The following AHNAK variants were observed in gnomAD, a reference collection of about 807,000 sequenced individuals.
AHNAK encodes AHNAK nucleoprotein, also known as neuroblast differentiation-associated protein AHNAK.
In AHNAK, 23 loss-of-function variants were observed where a neutral mutation model predicts 37.8. The ratio of observed to expected loss-of-function variants is 0.61; its 90% CI spans 0.44 to 0.86. The LOEUF is 0.86. AHNAK is among the 40% of genes least tolerant of loss of function. AHNAK has a pLI of 0.00. For synonymous variants in AHNAK, 2,481 were observed against 2,636.3 expected (o/e 0.94, Z 1.80); for missense variants, 7,411 against 7,319.4 (o/e 1.01, Z -0.46).
chr11:62,491,986 T>C (rs1939512321), intron 4 of AHNAK, among the ~76,000 whole-genome samples: 1 of 152,046 alleles, frequency 6.6e-6, no homozygotes, highest in Non-Finnish European at 1.5e-5. Context: ...AGCTCCACCA[T>C]TGCCTGGAAT....
At position 62,522,641 on chromosome 11, in the gene AHNAK, G is replaced by A; in HGVS notation, c.11776C>T (p.Pro3926Ser). ...TTAGGCATCTTCAGGTGCCAGTCTG[G>A]GCCTCGAACATCCACATCTGGGGCA... ...INAPDVDVRG[P>S]DWHLKMPKIK... is the part of the protein sequence containing the mutation. Residue 3926 changes from proline to serine, a missense_variant, in exon 5 of 5, where the codon CCA becomes TCA. Coordinates refer to ENST00000378024, the MANE Select transcript of AHNAK (RefSeq NM_001620.3). 1 of 1,612,842 alleles carries A rather than the reference G, an allele frequency of 6.2e-7. No homozygotes were observed. Among genetic ancestry groups the A allele is most frequent in the East Asian group, 2.2e-5 (1 of 44,808 alleles).
chr11:62,470,460 G>T (rs1336906970), intron 5 of AHNAK, among the ~76,000 whole-genome samples: 13 of 149,850 alleles, frequency 8.7e-5, no homozygotes, highest in Admixed American at 6.7e-4. Flanking sequence ...AAAAAAATTA[G>T]CTGGGCGTGG....
intron 5 of AHNAK, among the ~76,000 whole-genome samples, chr11:62,484,377 C>A (rs1008303165): frequency 6.6e-6 from 1 of 151,924 alleles, no homozygotes; most frequent in African/African-American, 2.4e-5. Flanking sequence ...CAGAGTGAGA[C>A]CCTGTCTCTG....
At chr11:62,494,111 C>T (rs116914071) in intron 4 of AHNAK, among the ~76,000 whole-genome samples, 13 of 152,196 alleles carry the variant, frequency 8.5e-5, no homozygotes, top group Non-Finnish European at 1.5e-4. Context: ...ATTTCTCTAA[C>T]AATCGATGGC....
intron 5 of AHNAK, among the ~76,000 whole-genome samples, chr11:62,456,018 A>G (rs1276290235): frequency 6.6e-6 from 1 of 152,168 alleles, no homozygotes; most frequent in Admixed American, 6.6e-5. Flanking sequence ...CAGGCTGGGC[A>G]ACAAGAGCGA....
In AHNAK at chr11:62,521,703, C is replaced by A. The variant is rs762957740; in HGVS notation, c.12714G>T (p.Ala4238=). ...VPDVNIEGPD[A]KLKGPKFKMP... is the part of the protein sequence containing the mutation. ...TCTTGAATTTAGGGCCCTTTAGTTTCGCATCTGGACCTTCGATATTCACAT... is the reference window on the plus strand; with the variant it reads ...TCTTGAATTTAGGGCCCTTTAGTTTAGCATCTGGACCTTCGATATTCACAT... The change falls in exon 5 of 5, where the codon GCG becomes GCT. Residue 4238 remains alanine, a synonymous_variant. Coordinates refer to ENST00000378024, the MANE Select transcript of AHNAK (RefSeq NM_001620.3). 4 of 1,613,322 alleles carry A rather than the reference C, an allele frequency of 2.5e-6. No individual in the cohort carries two copies. In the Admixed American group the frequency reaches 6.7e-5, roughly 27 times the overall value.
intron 5 of AHNAK, among the ~76,000 whole-genome samples, chr11:62,450,645 C>T (rs1220818360): frequency 1.3e-5 from 2 of 152,198 alleles, no homozygotes; most frequent in East Asian, 1.9e-4. Flanking sequence ...TGCCATGCAC[C>T]GTCAGACCTC....
downstream of AHNAK, chr11:62,515,857 CCAGGTTT>C (rs1940001942): frequency 9.1e-7 from 1 of 1,097,010 alleles, no homozygotes; most frequent in Middle Eastern, 4.4e-4. Flanking sequence ...TGCAGCTTCC[CCAGGTTT>C]CACGCCCCCG....
chr11:62,473,954 C>T (rs1280723650), intron 5 of AHNAK, among the ~76,000 whole-genome samples: 3 of 147,214 alleles, frequency 2.0e-5, no homozygotes, highest in Admixed American at 6.7e-5. Context: ...GAGCCATGAT[C>T]AAACCACTAC....
chr11:62,513,331 T>TC (rs1939948178), downstream of AHNAK, among the ~76,000 whole-genome samples: 1 of 152,166 alleles, frequency 6.6e-6, no homozygotes, highest in Admixed American at 6.5e-5. Context: ...GGTCAGGAGT[T>TC]CGAGACCAGC....
In AHNAK at chr11:62,516,722, TG is replaced by T. The variant is rs1565221200; in HGVS notation, c.*21del. 1 of 1,582,070 alleles carries T rather than the reference TG, an allele frequency of 6.3e-7. No homozygotes were observed. Among genetic ancestry groups the T allele is most frequent in the East Asian group, 2.2e-5 (1 of 44,794 alleles). ...TGATGTTTTGTTATATATATATATA[TG>T]TACACACATACAAAGGCCTGCTACT... On this transcript the variant is annotated 3_prime_UTR_variant, in exon 5 of 5. Transcript: ENST00000378024.
At chr11:62,496,568 G>A (rs923637758) in intron 4 of AHNAK, among the ~76,000 whole-genome samples, 7 of 152,032 alleles carry the variant, frequency 4.6e-5, no homozygotes, top group South Asian at 2.1e-4. Flanking sequence ...AGGCCGAGGC[G>A]GGCAGATCAC....
At position 62,527,586 on chromosome 11, in the gene AHNAK, G is replaced by A; in HGVS notation, c.6831C>T (p.Pro2277=). The part of the protein sequence containing the change: ...LPKADVDVSG[P]KVDVEVPDVS... ...CATCTGGGACTTCAACATCCACCTT[G>A]GGTCCTGAGACATCAACGTCAGCCT... The change falls in exon 5 of 5, where the codon CCC becomes CCT. Residue 2277 remains proline, a synonymous_variant. Coordinates refer to ENST00000378024, the MANE Select transcript of AHNAK (RefSeq NM_001620.3). The A allele has an allele frequency of 6.2e-7, 1 of 1,613,518 alleles. No homozygotes were observed. The highest frequency in any genetic ancestry group is 8.5e-7 in the Non-Finnish European group (1 of 1,179,910).
rs754182196 is a variant in AHNAK at position 62,526,866 on chromosome 11, C to G, written c.7551G>C (p.Lys2517Asn). The change falls in exon 5 of 5, where the codon AAG becomes AAC. Residue 2517 changes from lysine (K) to asparagine (N), a missense_variant. By Grantham distance (94) the Lys-to-Asn change is moderately conservative. Transcript: ENST00000378024. ...HLKMPKMKMPKFSMPGFKAEG... is the reference protein window; with the variant it reads ...HLKMPKMKMPNFSMPGFKAEG... The stretch of plus-strand genomic sequence containing the variant: ...CTGCTTTGAAGCCAGGCATGCTGAA[C>G]TTGGGCATTTTCATCTTGGGCATCT... 1.8e-5 allele frequency: 29 copies of G among 1,613,964 alleles called. No individual in the cohort carries two copies. The East Asian group carries it at 4.7e-4, about 26-fold the overall frequency.
At chr11:62,539,482 G>A (rs1471189767) in intron 1 of AHNAK, among the ~76,000 whole-genome samples, 2 of 120,806 alleles carry the variant, frequency 1.7e-5, no homozygotes, top group Admixed American at 2.4e-4. Context: ...GGCTGCAACA[G>A]CTCCAGACCT....
chr11:62,508,271 C>G (rs554027225), intron 4 of AHNAK, among the ~76,000 whole-genome samples: 1 of 152,090 alleles, frequency 6.6e-6, no homozygotes, highest in Admixed American at 6.6e-5. Flanking sequence ...AAAAAAAATT[C>G]TTTTTTTAAT....
chr11:62,493,411 T>TGCC (rs1939543645), intron 4 of AHNAK, among the ~76,000 whole-genome samples: 1 of 146,584 alleles, frequency 6.8e-6, no homozygotes, highest in Non-Finnish European at 1.5e-5. Flanking sequence ...CTGCAACCTC[T>TGCC]GCCTCCCGGG....
At chr11:62,478,655 C>T (rs554800380) in intron 5 of AHNAK, among the ~76,000 whole-genome samples, 255 of 147,760 alleles carry the variant, frequency 1.7e-3, no homozygotes, top group African/African-American at 6.1e-3. Context: ...GACTGAGGTG[C>T]GAGGATCGCT....
At chr11:62,444,704 G>A (rs1241109626) in intron 5 of AHNAK, among the ~76,000 whole-genome samples, 2 of 152,232 alleles carry the variant, frequency 1.3e-5, no homozygotes, top group Non-Finnish European at 2.9e-5. Context: ...GCACGCATGC[G>A]CGATGGGCAC....
Sources: allele counts gnomAD v4.1 joint callset (sites outside exome capture counted in the v4.1 genomes callset), GRCh38; gene constraint gnomAD v4.1.1; transcripts MANE v1.5; gene names NCBI Gene and HGNC (gene_info 2026-07-23, HGNC 2026-07-21).